ASB5: variants seen among roughly 807,000 people sequenced by gnomAD.
The protein encoded by ASB5 is ankyrin repeat and SOCS box protein 5.
A neutral mutation model predicts 42.1 loss-of-function variants in ASB5; 45 were observed. That is an observed-to-expected ratio of 1.07 (90% CI 0.84 to 1.37). The LOEUF (loss-of-function observed/expected upper bound fraction) is 1.37, where lower values mean the gene tolerates loss of function less well. Ranked by LOEUF, ASB5 falls within the 40% of genes most tolerant of loss-of-function variation. The probability of loss-of-function intolerance (pLI) is 0.00; values close to 1 mark genes in which losing one functional copy is unlikely to be tolerated. For synonymous variants in ASB5, 147 were observed against 150.6 expected (o/e 0.98, Z 0.18); for missense variants, 402 against 399.8 (o/e 1.01, Z -0.05).
chr4:176,238,710 A>C (rs1010282048), intron 1 of ASB5, among the ~76,000 whole-genome samples: 6 of 152,248 alleles, frequency 3.9e-5, no homozygotes, highest in Admixed American at 1.3e-4. Flanking sequence ...AAAGGAAAAA[A>C]GTATTACTGG....
At chr4:176,241,421 T>C (rs1308602472) in intron 1 of ASB5, 11 of 1,479,598 alleles carry the variant, frequency 7.4e-6, no homozygotes, top group East Asian at 2.5e-5. Context: ...AAATAAAACC[T>C]CCTTAAATCA....
intron 4 of ASB5, 38 bp downstream of exon 4, chr4:176,221,412 C>A (rs761951702): frequency 1.9e-6 from 3 of 1,605,074 alleles, no homozygotes; most frequent in Non-Finnish European, 2.6e-6. Context: ...GCTAAAGAAA[C>A]TTTCTTCCCT....
At chr4:176,270,249 G>T (rs1754443235), upstream of ASB5, among the ~76,000 whole-genome samples, 1 of 152,098 alleles carries the variant, frequency 6.6e-6, no homozygotes, top group Admixed American at 6.6e-5. Context: ...GTTGATTGTG[G>T]TACTTGCTTC....
At chr4:176,219,136 T>C (rs1361629072) in intron 5 of ASB5, among the ~76,000 whole-genome samples, 2 of 118,322 alleles carry the variant, frequency 1.7e-5, no homozygotes, top group South Asian at 5.0e-4. Flanking sequence ...TATATTTGTA[T>C]GATATATAAA....
At chr4:176,272,484 C>G (rs9312596), upstream of ASB5, among the ~76,000 whole-genome samples, 98,851 of 151,908 alleles carry the variant, frequency 0.65, 32,428 homozygotes, top group Middle Eastern at 0.72. Flanking sequence ...AGCAGCTCCT[C>G]AAGAAGAAAC....
At chr4:176,266,212 A>T (rs1184100480) in intron 1 of ASB5, among the ~76,000 whole-genome samples, 1 of 152,194 alleles carries the variant, frequency 6.6e-6, no homozygotes, top group Non-Finnish European at 1.5e-5. Context: ...TGGGGAGGGC[A>T]TCCAGCATGT....
chr4:176,274,213 C>T (rs1318725435), upstream of ASB5, among the ~76,000 whole-genome samples: 1 of 152,142 alleles, frequency 6.6e-6, no homozygotes, highest in Admixed American at 6.6e-5. Flanking sequence ...ATCACGGTAC[C>T]TTCATTGGAG....
chr4:176,221,576 C>A lies in ASB5; in HGVS notation c.409G>T (p.Val137Leu), dbSNP rs746952957. Residue 137 changes from valine (V) to leucine (L), a missense_variant, in exon 4 of 7, where the codon GTG (valine) becomes TTG (leucine). Transcript: ENST00000296525. ...GAGCATGCGTTGAATAACGGAGTCA[C>A]GCCATCTATCGTGATTGCATTTACC... ...ANVNAITIDG[V>L]TPLFNACSQG... 23 of 1,612,824 alleles carry A rather than the reference C, an allele frequency of 1.4e-5. 1 individual carries two copies. The South Asian group carries it at 2.2e-4, about 15-fold the overall frequency.
chr4:176,249,597 C>G (rs1419395517), intron 1 of ASB5: 1 of 152,062 alleles, frequency 6.6e-6, no homozygotes, highest in Non-Finnish European at 1.5e-5. Context: ...CAGTTCTTCT[C>G]CCATTGGTGC....
intron 1 of ASB5, among the ~76,000 whole-genome samples, chr4:176,232,403 G>A (rs1378962378): frequency 6.6e-6 from 1 of 151,934 alleles, no homozygotes; most frequent in African/African-American, 2.4e-5. Context: ...GAATAGATGT[G>A]AGCCACCGAG....
Position 176,214,800 on chromosome 4 carries a change from A to G in ASB5, c.*800T>C, listed in dbSNP as rs188013528. On this transcript the variant is annotated 3_prime_UTR_variant, in exon 7 of 7. Coordinates refer to ENST00000296525, the MANE Select transcript of ASB5 (RefSeq NM_080874.4). The stretch of plus-strand genomic sequence containing the variant: ...TAAGTCCAAGTATCACTAGCTATTG[A>G]CAATTTCTGAAATGGAAGAAGGCTG... 6 of 152,238 alleles carry G rather than the reference A, an allele frequency of 3.9e-5. No homozygotes were observed. In the East Asian group the frequency reaches 1.2e-3, roughly 29 times the overall value. The allele number at this position is 152,238 out of a possible 1,614,324, so 9.4% of individuals were successfully genotyped here.
chr4:176,240,806 A>G (rs1753795225), intron 1 of ASB5, among the ~76,000 whole-genome samples: 1 of 152,192 alleles, frequency 6.6e-6, no homozygotes, highest in Non-Finnish European at 1.5e-5. Flanking sequence ...TGAGTGATCC[A>G]CAGATATGGA....
At chr4:176,246,282 A>C (rs1313848607) in intron 1 of ASB5, among the ~76,000 whole-genome samples, 2 of 152,222 alleles carry the variant, frequency 1.3e-5, no homozygotes, top group Non-Finnish European at 2.9e-5. Context: ...AAAAAGGAAG[A>C]ATGATGCTAT....
At chr4:176,241,983 A>C (rs1753820773) in intron 1 of ASB5, among the ~76,000 whole-genome samples, 1 of 152,082 alleles carries the variant, frequency 6.6e-6, no homozygotes, top group African/African-American at 2.4e-5. Flanking sequence ...CTGCACATAC[A>C]CCTGGGACGC....
intron 1 of ASB5, among the ~76,000 whole-genome samples, chr4:176,246,761 G>A (rs1006313431): frequency 6.6e-5 from 10 of 152,142 alleles, no homozygotes; most frequent in Non-Finnish European, 1.2e-4. Flanking sequence ...ACAGAATGTC[G>A]AAGGCTTTCC....
intron 5 of ASB5, among the ~76,000 whole-genome samples, chr4:176,219,542 A>T (rs191925288): frequency 8.0e-5 from 4 of 49,844 alleles, no homozygotes; most frequent in South Asian, 5.4e-4. Context: ...AAATATATAT[A>T]TGTATGATAT....
rs540754005 is a variant in ASB5, at chr4:176,223,293, C to T, written c.277-873G>A. Among the ~76,000 whole-genome samples, 70 of 152,222 alleles carry T rather than the reference C, an allele frequency of 4.6e-4. 1 individual carries two copies. The highest frequency in any genetic ancestry group is 8.5e-4 in the Non-Finnish European group (58 of 68,006). On this transcript the variant is annotated intron_variant, in intron 2 of 6. Transcript: ENST00000296525. Reference sequence around the variant, plus strand: ...GTTTTAATTTGGACAAATACCTTAACCTCTAAATTTGAAGATTATCATGAC... The same window carrying T: ...GTTTTAATTTGGACAAATACCTTAATCTCTAAATTTGAAGATTATCATGAC...
intron 1 of ASB5, chr4:176,237,188 T>C (rs1365894127): frequency 2.1e-5 from 16 of 774,136 alleles, no homozygotes; most frequent in Non-Finnish European, 2.4e-5. Flanking sequence ...TGCATTTCAA[T>C]CCGCATTCTG....
At chr4:176,252,222 T>C (rs1003197091) in intron 1 of ASB5, among the ~76,000 whole-genome samples, 2 of 152,150 alleles carry the variant, frequency 1.3e-5, no homozygotes, top group African/African-American at 4.8e-5. Context: ...GAAGAAGGAA[T>C]GGAAGGCATT....
Sources: gnomAD v4.1 joint callset for allele counts (sites outside exome capture counted in the v4.1 genomes callset) on GRCh38, gnomAD v4.1.1 for gene constraint, MANE v1.5 for transcripts, NCBI Gene and HGNC (gene_info 2026-07-23, HGNC 2026-07-21) for gene names.